GALR1: variants seen among roughly 807,000 people sequenced by gnomAD.
The protein encoded by GALR1 is galanin receptor type 1.
Under a neutral mutation model 17.9 loss-of-function variants are expected in GALR1, and 11 were observed. The ratio of observed to expected loss-of-function variants is 0.62; its 90% confidence interval spans 0.39 to 1.02. GALR1 has a LOEUF of 1.02. GALR1 is among the 50% of genes least tolerant of loss of function. The pLI, the probability that GALR1 is intolerant of heterozygous loss-of-function variation, is 0.01. For synonymous variants in GALR1, 206 were observed against 205.7 expected (o/e 1.00, Z -0.01); for missense variants, 441 against 456.9 (o/e 0.97, Z 0.32).
intron 2 of GALR1, among the ~76,000 whole-genome samples, chr18:77,266,124 A>C (rs1912939778): frequency 6.6e-6 from 1 of 152,172 alleles, no homozygotes. Flanking sequence ...TTATAAACGT[A>C]AGTTCCAATT....
chr18:77,266,035 C>T (rs1050361687), intron 2 of GALR1, among the ~76,000 whole-genome samples: 2 of 152,180 alleles, frequency 1.3e-5, no homozygotes, highest in Non-Finnish European at 2.9e-5. Context: ...TTGAATTTCT[C>T]CTCCAAAAAT....
At chr18:77,258,730 G>A (rs1177087293) in intron 2 of GALR1, among the ~76,000 whole-genome samples, 89 of 104,384 alleles carry the variant, frequency 8.5e-4, no homozygotes, top group Non-Finnish European at 1.4e-3. Flanking sequence ...TGATGGTGGT[G>A]ATGGTGATGA....
Position 77,250,494 on chromosome 18 carries a change from A to C in GALR1, c.-55A>C, listed in dbSNP as rs535428789. The C allele has an allele frequency of 1.8e-4, 257 of 1,419,076 alleles. No individual in the cohort carries two copies. The highest frequency in any genetic ancestry group is 7.9e-4 in the Middle Eastern group (3 of 3,808). 87.9% of individuals were successfully genotyped at this position (1,419,076 alleles called of 1,614,324 possible). Reference sequence around the variant, plus strand: ...CCCCTGGCCACCCCCGGCGCCTACTATCCCGCCCTCCCTCCCCGCGCGCCC... The same window carrying C: ...CCCCTGGCCACCCCCGGCGCCTACTCTCCCGCCCTCCCTCCCCGCGCGCCC... On this transcript the variant is annotated 5_prime_UTR_variant, in exon 1 of 3. Transcript: ENST00000299727.
rs1441026555 is a variant in GALR1, at chr18:77,271,804, T to A, written c.*2902T>A. On this transcript the variant is annotated 3_prime_UTR_variant, in exon 3 of 3. Transcript: ENST00000299727. Reference sequence around the variant, plus strand: ...TTTGCTTTCACGTAAGGAGACAGGCTTTGGGATATTTAGTAGCTGAAATGC... The same window carrying A: ...TTTGCTTTCACGTAAGGAGACAGGCATTGGGATATTTAGTAGCTGAAATGC... 8 of 152,226 alleles carry A rather than the reference T, an allele frequency of 5.3e-5. No homozygotes were observed. The highest frequency in any genetic ancestry group is 1.7e-4 in the African/African-American group (7 of 41,460). The allele number at this position is 152,226 out of a possible 1,614,324, so 9.4% of individuals were successfully genotyped here.
chr18:77,253,415 A>G (rs1912516324), intron 1 of GALR1, among the ~76,000 whole-genome samples: 1 of 152,190 alleles, frequency 6.6e-6, no homozygotes. Flanking sequence ...GATTCTTAAC[A>G]TATATGGCTG....
chr18:77,250,707 A>G lies in GALR1; in HGVS notation c.159A>G (p.Leu53=). The change falls in exon 1 of 3, where the codon CTA becomes CTG. Residue 53 remains leucine (L), a synonymous_variant. Transcript: ENST00000299727. ...IFALGVLGNS[L]VITVLARSKP... is the part of the protein sequence containing the mutation. ...CGCTGGGTGTGCTGGGCAACAGCCT[A>G]GTGATCACCGTGCTGGCGCGCAGCA... The G allele has an allele frequency of 6.2e-7, 1 of 1,613,450 alleles. No individual in the cohort carries two copies. The highest frequency in any genetic ancestry group is 8.5e-7 in the Non-Finnish European group (1 of 1,179,888).
At chr18:77,260,561 G>T (rs1051637854) in intron 2 of GALR1, among the ~76,000 whole-genome samples, 6 of 152,216 alleles carry the variant, frequency 3.9e-5, no homozygotes, top group Non-Finnish European at 8.8e-5. Flanking sequence ...TTTGGACGGG[G>T]TGGGGACATA....
rs572737478 is a variant in GALR1, at chr18:77,271,955, G to A, written c.*3053G>A. On this transcript the variant is annotated 3_prime_UTR_variant, in exon 3 of 3. Transcript: ENST00000299727. ...ACAGATTCTCTGTGCTCTTCTGACC[G>A]GGTATGTACTCAGCAACATGGGGGA... 2 of 152,194 alleles carry A rather than the reference G, an allele frequency of 1.3e-5. No homozygotes were observed. The highest frequency in any genetic ancestry group is 1.9e-4 in the East Asian group (1 of 5,172). The allele number at this position is 152,194 out of a possible 1,614,324, so 9.4% of individuals were successfully genotyped here.
At position 77,250,970 on chromosome 18, in the gene GALR1, G is replaced by C; in HGVS notation, c.422G>C (p.Arg141Pro). The change falls in exon 1 of 3, where the codon CGG becomes CCG. Residue 141 changes from arginine (R) to proline (P), a missense_variant. Arg to Pro is a moderately radical substitution (Grantham distance 103, BLOSUM62 -2). Transcript: ENST00000299727. ...VDRYVAIVHSRRSSSLRVSRN... is the reference protein window; with the variant it reads ...VDRYVAIVHSPRSSSLRVSRN... ...CGCTACGTGGCCATCGTGCACTCGC[G>C]GCGCTCCTCCTCCCTCAGGGTGTCC... is the stretch of plus-strand genomic sequence containing the variant. 2 of 1,604,098 alleles carry C rather than the reference G, an allele frequency of 1.2e-6. No homozygotes were observed. Among genetic ancestry groups the C allele is most frequent in the Non-Finnish European group, 1.7e-6 (2 of 1,179,938 alleles).
chr18:77,275,999 G>C lies in GALR1; in HGVS notation c.*7097G>C, dbSNP rs1290276317. Reference sequence around the variant, plus strand: ...TTGAGATATTTTCAAAATAGGGCTAGCATGTATAAAGAATCAAACTTAGTC... The same window carrying C: ...TTGAGATATTTTCAAAATAGGGCTACCATGTATAAAGAATCAAACTTAGTC... On this transcript the variant is annotated 3_prime_UTR_variant, in exon 3 of 3. Coordinates refer to ENST00000299727, the MANE Select transcript of GALR1 (RefSeq NM_001480.4). 1 of 152,178 alleles carries C rather than the reference G, an allele frequency of 6.6e-6. No individual in the cohort carries two copies. The highest frequency in any genetic ancestry group is 1.5e-5 in the Non-Finnish European group (1 of 68,036). The allele number at this position is 152,178 out of a possible 1,614,324, so 9.4% of individuals were successfully genotyped here. A position where few individuals can be genotyped will look rare whatever the true frequency, so the allele number is the denominator to read the frequency against.
Position 77,251,335 on chromosome 18 carries a change from C to T in GALR1, c.666+121C>T. ...GGCGGCAGCCTGGCCCCGGTGGTCC[C>T]CACTCTGGCGGCGCTGGTACGGATC... is the stretch of plus-strand genomic sequence containing the variant. On this transcript the variant is annotated intron_variant, in intron 1 of 2. Coordinates refer to ENST00000299727, the MANE Select transcript of GALR1 (RefSeq NM_001480.4). The T allele has an allele frequency of 2.1e-6, 3 of 1,409,470 alleles. No homozygotes were observed. The South Asian group carries it at 4.3e-5, about 20-fold the overall frequency. The allele number at this position is 1,409,470 out of a possible 1,614,324, so 87.3% of individuals were successfully genotyped here.
Position 77,250,664 on chromosome 18 carries a change from T to C in GALR1, c.116T>C (p.Val39Ala), listed in dbSNP as rs992446938. 1.2e-6 allele frequency: 2 copies of C among 1,610,870 alleles called. No individual in the cohort carries two copies. The highest frequency in any genetic ancestry group is 1.7e-6 in the Non-Finnish European group (2 of 1,179,178). Residue 39 changes from valine (V) to alanine (A), a missense_variant, in exon 1 of 3, where the codon GTG becomes GCG. Transcript: ENST00000299727. ...GTGGAGAACTTCGTCACGCTGGTGG[T>C]GTTCGGCCTGATCTTCGCGCTGGGT... is the stretch of plus-strand genomic sequence containing the variant. ...IGVENFVTLV[V>A]FGLIFALGVL...
intron 1 of GALR1, among the ~76,000 whole-genome samples, chr18:77,252,796 C>T (rs1041755460): frequency 5.3e-5 from 8 of 150,242 alleles, no homozygotes; most frequent in Middle Eastern, 3.2e-3. Context: ...TGCAGTGAGC[C>T]GAAATCGTGC....
rs1913082458 is a variant in GALR1, at chr18:77,272,409, T to TA, written c.*3510dup. ...TTTCAGTCATGGCCATGGCTATCTG[T>TA]AAACACCAAAATGCTCATGCTGAAG... On this transcript the variant is annotated 3_prime_UTR_variant, in exon 3 of 3. Transcript: ENST00000299727. The TA allele has an allele frequency of 1.3e-5, 2 of 152,252 alleles. No individual in the cohort carries two copies. The highest frequency in any genetic ancestry group is 1.3e-4 in the Admixed American group (2 of 15,292). The allele number at this position is 152,252 out of a possible 1,614,324, so 9.4% of individuals were successfully genotyped here. A position where few individuals can be genotyped will look rare whatever the true frequency, so the allele number is the denominator to read the frequency against.
chr18:77,264,133 C>CAAAAAAAAA (rs56102250), intron 2 of GALR1, among the ~76,000 whole-genome samples: 1 of 57,218 alleles, frequency 1.7e-5, no homozygotes, highest in Non-Finnish European at 3.0e-5. Context: ...GACTCCATCT[C>CAAAAAAAAA]AAAAAAAAAA....
At chr18:77,252,962 CCACCACCAT>C (rs1568139183) in intron 1 of GALR1, among the ~76,000 whole-genome samples, 1 of 54,298 alleles carries the variant, frequency 1.8e-5, no homozygotes, top group African/African-American at 6.6e-5. Flanking sequence ...ACCACCATCA[CCACCACCAT>C]CACCACCATC....
Position 77,270,982 on chromosome 18 carries a change from C to T in GALR1, c.*2080C>T, listed in dbSNP as rs1913050512. On this transcript the variant is annotated 3_prime_UTR_variant, in exon 3 of 3. Coordinates refer to ENST00000299727, the MANE Select transcript of GALR1 (RefSeq NM_001480.4). ...CCAGAACAACTTCTTTGGGTGTGAA[C>T]TCACAAAACTGTGTAAAGAAGTGCC... 3 of 152,310 alleles carry T rather than the reference C, an allele frequency of 2.0e-5. No individual in the cohort carries two copies. The South Asian group carries it at 6.2e-4, about 32-fold the overall frequency. The allele number at this position is 152,310 out of a possible 1,614,324, so 9.4% of individuals were successfully genotyped here.
chr18:77,273,070 T>C lies in GALR1; in HGVS notation c.*4168T>C, dbSNP rs546298879. ...GATAATAGATGGTGGTTTCTTTTCT[T>C]AGTGTGGCAGGTTCACTCACATTCA... On this transcript the variant is annotated 3_prime_UTR_variant, in exon 3 of 3. Transcript: ENST00000299727. 1 of 152,346 alleles carries C rather than the reference T, an allele frequency of 6.6e-6. No individual in the cohort carries two copies. The highest frequency in any genetic ancestry group is 1.9e-4 in the East Asian group (1 of 5,180). 9.4% of individuals were successfully genotyped at this position (152,346 alleles called of 1,614,324 possible).
rs150691081 is a variant in GALR1 at position 77,268,680 on chromosome 18, G to C, written c.828G>C (p.Pro276=). 352 of 1,614,036 alleles carry C rather than the reference G, an allele frequency of 2.2e-4. 1 individual carries two copies. In the African/African-American group the frequency reaches 4.0e-3, roughly 18 times the overall value. The change falls in exon 3 of 3, where the codon CCG becomes CCC. Residue 276 remains proline (P), a synonymous_variant. Coordinates refer to ENST00000299727, the MANE Select transcript of GALR1 (RefSeq NM_001480.4). ...TCTGGGCTGAGTTTGGAGTTTTCCCGCTGACGCCGGCTTCCTTCCTCTTCA... is the reference window on the plus strand; with the variant it reads ...TCTGGGCTGAGTTTGGAGTTTTCCCCCTGACGCCGGCTTCCTTCCTCTTCA... ...IHLWAEFGVF[P]LTPASFLFRI...
Sources: allele counts gnomAD v4.1 joint callset (sites outside exome capture counted in the v4.1 genomes callset), GRCh38; gene constraint gnomAD v4.1.1; transcripts MANE v1.5; gene names NCBI Gene and HGNC (gene_info 2026-07-23, HGNC 2026-07-21).